Variants in PHF11 observed in about 807,000 individuals in gnomAD.
PHF11 encodes PHD finger protein 11.
In PHF11, 38 loss-of-function variants were observed where a neutral mutation model predicts 40.5. That is an observed-to-expected ratio of 0.94 (90% CI 0.72 to 1.23). PHF11 has a LOEUF of 1.23. Among genes scored for constraint, PHF11 ranks in the 50% most tolerant of loss-of-function variants. The pLI, the probability that PHF11 is intolerant of heterozygous loss-of-function variation, is 0.00. For synonymous variants in PHF11, 127 were observed against 138.2 expected (o/e 0.92, Z 0.57); for missense variants, 369 against 392.4 (o/e 0.94, Z 0.50).
chr13:49,504,937 A>G (rs1470614829), intron 1 of PHF11, among the ~76,000 whole-genome samples: 2 of 149,342 alleles, frequency 1.3e-5, no homozygotes, highest in Non-Finnish European at 3.0e-5. Context: ...GCTCTCTGAA[A>G]CATGTGCTGT....
intron 1 of PHF11, among the ~76,000 whole-genome samples, chr13:49,501,390 C>G (rs752000736): frequency 1.3e-5 from 2 of 152,136 alleles, no homozygotes. Flanking sequence ...ACACAGTATT[C>G]TATCAAAGTA....
chr13:49,521,064 A>T, intron 5 of PHF11, 124 bp downstream of exon 5: 10 of 1,390,108 alleles, frequency 7.2e-6, no homozygotes, highest in South Asian at 1.7e-5. Flanking sequence ...AAAATTTTAC[A>T]CATCTAGAAA....
intron 1 of PHF11, chr13:49,497,235 C>T (rs907118781): frequency 7.9e-6 from 10 of 1,269,272 alleles, no homozygotes; most frequent in Admixed American, 4.6e-5. Context: ...ACGGGAGATG[C>T]GCTTCCATCC....
chr13:49,496,120 CGG>C lies in PHF11; in HGVS notation c.94+27_94+28del, dbSNP rs1295394732. ...GGTGTGTACCGCGGGGGCGGGCGGG[CGG>C]GCGGGCGGGGCTGGGCAGCGACGGG... On this transcript the variant is annotated intron_variant, in intron 1 of 9. Transcript: ENST00000378319. 3.3e-5 allele frequency: 7 copies of C among 212,398 alleles called. No homozygotes were observed. The South Asian group carries it at 4.1e-4, about 12-fold the overall frequency. The allele number at this position is 212,398 out of a possible 1,614,324, so 13.2% of individuals were successfully genotyped here. A position where few individuals can be genotyped will look rare whatever the true frequency, so the allele number is the denominator to read the frequency against.
chr13:49,503,561 A>G (rs1958937727), intron 1 of PHF11, among the ~76,000 whole-genome samples: 1 of 152,204 alleles, frequency 6.6e-6, no homozygotes, highest in Admixed American at 6.5e-5. Flanking sequence ...GACTGGTCCT[A>G]TTGAGACATG....
rs1431767427 is a variant in PHF11 at position 49,528,059 on chromosome 13, C to CTATT, written c.842-450_842-447dup. 4.6e-5 allele frequency among the ~76,000 whole-genome samples: 7 copies of CTATT among 152,284 alleles called. No individual in the cohort carries two copies. The East Asian group carries it at 1.3e-3, about 29-fold the overall frequency. On this transcript the variant is annotated intron_variant, in intron 9 of 9. Coordinates refer to ENST00000378319, the MANE Select transcript of PHF11 (RefSeq NM_001040443.3). ...TAAGTTTCCACAATTAAAAGCCTTC[C>CTATT]TATTTCTAAATGAAACCAAAAGCCT...
At position 49,522,089 on chromosome 13, in the gene PHF11, C is replaced by G; in HGVS notation, c.552C>G (p.Leu184=). The G allele has an allele frequency of 6.4e-7, 1 of 1,556,348 alleles. No individual in the cohort carries two copies. ...VKRKRGRKKP[L]SGNHVQPPET... Reference sequence around the variant, plus strand: ...GAAAAAGAGGAAGGAAGAAACCCCTCTCAGGCAATCATGTACAGGTAATTT... The same window carrying G: ...GAAAAAGAGGAAGGAAGAAACCCCTGTCAGGCAATCATGTACAGGTAATTT... Residue 184 remains leucine, a synonymous_variant, in exon 6 of 10, where the codon CTC becomes CTG. Coordinates refer to ENST00000378319, the MANE Select transcript of PHF11 (RefSeq NM_001040443.3).
At chr13:49,520,149 A>G (rs1199574430) in intron 4 of PHF11, among the ~76,000 whole-genome samples, 1 of 152,174 alleles carries the variant, frequency 6.6e-6, no homozygotes, top group African/African-American at 2.4e-5. Context: ...CCTGGGTTCA[A>G]GCGATTCTCC....
chr13:49,516,775 A>C (rs1466022669), intron 3 of PHF11, among the ~76,000 whole-genome samples: 1 of 151,708 alleles, frequency 6.6e-6, no homozygotes, highest in East Asian at 1.9e-4. Context: ...TGTAGAGATG[A>C]GGTCTCACTG....
chr13:49,507,780 GT>G (rs1389080674), intron 2 of PHF11, among the ~76,000 whole-genome samples: 2 of 152,118 alleles, frequency 1.3e-5, no homozygotes, highest in Non-Finnish European at 2.9e-5. Context: ...AAACAGAATG[GT>G]TTATGGGTAC....
chr13:49,510,545 A>G lies in PHF11; in HGVS notation c.217-2514A>G, dbSNP rs144355052. On this transcript the variant is annotated intron_variant, in intron 2 of 9. Transcript: ENST00000378319. Reference sequence around the variant, plus strand: ...CAGGCTGGAATGGAGTGGCATAATCATAGCTCACTGCAGCCTTGAACTCCT... The same window carrying G: ...CAGGCTGGAATGGAGTGGCATAATCGTAGCTCACTGCAGCCTTGAACTCCT... 3.2e-3 allele frequency among the ~76,000 whole-genome samples: 483 copies of G among 152,028 alleles called. 10 individuals carry two copies. The highest frequency in any genetic ancestry group is 6.2e-4 in the Non-Finnish European group (42 of 68,000).
At chr13:49,500,971 C>T (rs112494454) in intron 1 of PHF11, among the ~76,000 whole-genome samples, 2,604 of 145,606 alleles carry the variant, frequency 0.018, 93 homozygotes, top group African/African-American at 0.062. Flanking sequence ...CAGATAGTAT[C>T]GCTTTTAATT....
At chr13:49,526,289 G>C in intron 8 of PHF11, 98 bp from the exon 9 acceptor site, 1 of 750,104 alleles carries the variant, frequency 1.3e-6, no homozygotes, top group South Asian at 1.5e-5. Context: ...GCACATGACT[G>C]CTCTCTTTCC....
chr13:49,506,697 G>A lies in PHF11; in HGVS notation c.157G>A (p.Glu53Lys), dbSNP rs758665562. The A allele has an allele frequency of 9.3e-6, 15 of 1,608,252 alleles. No individual in the cohort carries two copies. The highest frequency in any genetic ancestry group is 1.3e-5 in the Non-Finnish European group (15 of 1,175,002). ...RTCALCPKDV[E>K]YNVLYFAQSE... is the part of the protein sequence containing the mutation. ...ATGTGCACTCTGCCCCAAAGATGTC[G>A]AATATAATGTCCTATACTTTGCACA... Residue 53 changes from glutamate to lysine, a missense_variant, in exon 2 of 10, where the codon GAA (glutamate) becomes AAA (lysine). By Grantham distance (56) the Glu-to-Lys change is moderately conservative (BLOSUM62 1). Coordinates refer to ENST00000378319, the MANE Select transcript of PHF11 (RefSeq NM_001040443.3).
chr13:49,495,984 C>T lies in PHF11; in HGVS notation c.-18C>T, dbSNP rs115244069. ...GGGATCTCGCTATCCGGCCGCCACC[C>T]GCAGCTGCAGCACAGTCATGGCCCA... On this transcript the variant is annotated 5_prime_UTR_variant, in exon 1 of 10. Transcript: ENST00000378319. The T allele has an allele frequency of 2.0e-6, 3 of 1,486,832 alleles. No individual in the cohort carries two copies. The highest frequency in any genetic ancestry group is 2.8e-5 in the East Asian group (1 of 35,470). 92.1% of individuals were successfully genotyped at this position (1,486,832 alleles called of 1,614,324 possible).
Position 49,496,111 on chromosome 13 carries a change from G to C in PHF11, c.94+16G>C. 1 of 149,196 alleles carries C rather than the reference G, an allele frequency of 6.7e-6. No individual in the cohort carries two copies. The highest frequency in any genetic ancestry group is 8.1e-6 in the Non-Finnish European group (1 of 123,312). The allele number at this position is 149,196 out of a possible 1,614,324, so 9.2% of individuals were successfully genotyped here. A position where few individuals can be genotyped will look rare whatever the true frequency, so the allele number is the denominator to read the frequency against. On this transcript the variant is annotated intron_variant, in intron 1 of 9. Coordinates refer to ENST00000378319, the MANE Select transcript of PHF11 (RefSeq NM_001040443.3). ...CTTCCCACCGGTGTGTACCGCGGGGGCGGGCGGGCGGGCGGGCGGGGCTGG... is the reference window on the plus strand; with the variant it reads ...CTTCCCACCGGTGTGTACCGCGGGGCCGGGCGGGCGGGCGGGCGGGGCTGG...
chr13:49,496,123 G>A (rs1487272513), intron 1 of PHF11, 28 bp downstream of exon 1: 3 of 1,098,168 alleles, frequency 2.7e-6, no homozygotes, highest in Non-Finnish European at 2.4e-6. Context: ...GGGCGGGCGG[G>A]CGGGCGGGGC....
intron 1 of PHF11, among the ~76,000 whole-genome samples, chr13:49,501,944 G>A (rs541346074): frequency 1.2e-4 from 18 of 152,194 alleles, no homozygotes; most frequent in Admixed American, 1.1e-3. Flanking sequence ...ACCCGCCTCG[G>A]CCTCCCAAAG....
chr13:49,528,412 G>T (rs1331146014), intron 9 of PHF11, 99 bp from the exon 10 acceptor site: 1 of 813,894 alleles, frequency 1.2e-6, no homozygotes, highest in East Asian at 2.6e-5. Flanking sequence ...CACGAGGATT[G>T]TGTATCTGTA....
Sources: allele counts gnomAD v4.1 joint callset (sites outside exome capture counted in the v4.1 genomes callset), GRCh38; gene constraint gnomAD v4.1.1; transcripts MANE v1.5; gene names NCBI Gene and HGNC (gene_info 2026-07-23, HGNC 2026-07-21).